The following LRP5 variants were observed in gnomAD, a reference collection of about 807,000 sequenced individuals.
LRP5 encodes LDL receptor related protein 5.
A neutral mutation model predicts 154.1 loss-of-function variants in LRP5; 62 were observed. That is an observed-to-expected ratio of 0.40 (90% CI 0.33 to 0.50). LRP5 has a LOEUF of 0.50. Among genes scored for constraint, LRP5 ranks in the 20% least tolerant of loss-of-function variants. LRP5 has a pLI of 0.55. For synonymous variants in LRP5, 966 were observed against 1,011.5 expected, an observed-to-expected ratio of 0.96 and a Z score of 0.85; for missense variants, 1,915 against 2,336.7, an observed-to-expected ratio of 0.82 and a Z score of 3.72.
intron 5 of LRP5, among the ~76,000 whole-genome samples, chr11:68,371,931 TG>T (rs1170399809): frequency 6.6e-6 from 1 of 152,186 alleles, no homozygotes; most frequent in African/African-American, 2.4e-5. Flanking sequence ...GAGGAGGCCC[TG>T]GGGTCACACA....
chr11:68,336,417 C>T (rs150712821), intron 1 of LRP5, among the ~76,000 whole-genome samples: 9 of 152,270 alleles, frequency 5.9e-5, no homozygotes, highest in African/African-American at 2.2e-4. Flanking sequence ...TTTTGTAGCT[C>T]ATAATAGCCC....
upstream of LRP5, among the ~76,000 whole-genome samples, chr11:68,309,849 C>T (rs2098586722): frequency 6.6e-6 from 1 of 152,186 alleles, no homozygotes; most frequent in Admixed American, 6.5e-5. Context: ...CACCTGCTGG[C>T]CAGGCCCCCA....
rs756245140 is a variant in LRP5, at chr11:68,386,928, G to C, written c.1412+216G>C. On this transcript the variant is annotated intron_variant, in intron 6 of 22. Transcript: ENST00000294304. This position sits in a 1 kb window ranked among gnomAD's most constrained non-coding sequence, Gnocchi z 7.9. ...TTGGGTTTCTAACAAGCACCCCAGT[G>C]GTCCGGTGCTGCTGCTGGGTCCATG... Among the ~76,000 whole-genome samples, 1 of 152,210 alleles carries C rather than the reference G, an allele frequency of 6.6e-6. No individual in the cohort carries two copies. The highest frequency in any genetic ancestry group is 1.5e-5 in the Non-Finnish European group (1 of 68,034).
Position 68,365,386 on chromosome 11 carries a change from C to CA in LRP5, c.884-185_884-184insA, listed in dbSNP as rs1555077737. Among the ~76,000 whole-genome samples, 5 of 152,046 alleles carry CA rather than the reference C, an allele frequency of 3.3e-5. No individual in the cohort carries two copies. The East Asian group carries it at 5.8e-4, about 18-fold the overall frequency. On this transcript the variant is annotated intron_variant, in intron 4 of 22. Transcript: ENST00000294304. ...GGCCAGGCTGAGGGCCCCATGTGGACGGGCCAGCGATGAGGCAGGTGGAAT... is the reference window on the plus strand; with the variant it reads ...GGCCAGGCTGAGGGCCCCATGTGGACAGGGCCAGCGATGAGGCAGGTGGAAT...
At chr11:68,428,906 C>T (rs1397522623) in intron 16 of LRP5, among the ~76,000 whole-genome samples, 1 of 37,440 alleles carries the variant, frequency 2.7e-5, no homozygotes, top group Non-Finnish European at 4.8e-5. Context: ...ATGATGAGAC[C>T]CCATTTCTAC....
At chr11:68,352,234 G>A (rs373717978) in intron 2 of LRP5, among the ~76,000 whole-genome samples, 2 of 152,296 alleles carry the variant, frequency 1.3e-5, no homozygotes, top group East Asian at 3.9e-4. Flanking sequence ...CTGTTCTGAA[G>A]AGAAAAGACA....
chr11:68,400,866 C>T (rs951505579), intron 7 of LRP5, among the ~76,000 whole-genome samples: 5 of 152,162 alleles, frequency 3.3e-5, no homozygotes, highest in African/African-American at 1.2e-4. Flanking sequence ...ACCAGCCTGG[C>T]CAACATGGTG....
In LRP5 at chr11:68,363,756, G is replaced by C. The variant is rs1171333281; in HGVS notation, c.696G>C (p.Val232=). 5.6e-6 allele frequency: 9 copies of C among 1,612,392 alleles called. No individual in the cohort carries two copies. The highest frequency in any genetic ancestry group is 7.6e-6 in the Non-Finnish European group (9 of 1,179,764). The change falls in exon 4 of 23, where the codon GTG becomes GTC. Residue 232 remains valine, a synonymous_variant. Coordinates refer to ENST00000294304, the MANE Select transcript of LRP5 (RefSeq NM_002335.4). ...GCTTCCCTGACTGCAGGCAGAAGGT[G>C]GTGGAGGGCAGCCTGACGCACCCCT... The part of the protein sequence containing the change: ...ANLDGSFRQK[V]VEGSLTHPFA...
At chr11:68,437,219 C>T (rs1174284902) in intron 19 of LRP5, among the ~76,000 whole-genome samples, 2 of 152,230 alleles carry the variant, frequency 1.3e-5, no homozygotes, top group African/African-American at 4.8e-5. Flanking sequence ...GAGTCTGCCT[C>T]AGTGGGCGGG....
intron 1 of LRP5, among the ~76,000 whole-genome samples, chr11:68,338,822 A>G (rs572786650): frequency 6.7e-6 from 1 of 150,246 alleles, no homozygotes; most frequent in African/African-American, 2.4e-5. Context: ...ATTGGGATGA[A>G]GTTCACTTGA....
chr11:68,409,867 A>T (rs200308913), intron 9 of LRP5, 47 bp from the exon 10 acceptor site: 262 of 1,240,578 alleles, frequency 2.1e-4, no homozygotes, highest in African/African-American at 1.6e-3. Flanking sequence ...AAAAAAAAAG[A>T]TGCTGGTTCC....
At chr11:68,367,372 T>C (rs1375547349) in intron 5 of LRP5, among the ~76,000 whole-genome samples, 1 of 152,210 alleles carries the variant, frequency 6.6e-6, no homozygotes, top group Non-Finnish European at 1.5e-5. Context: ...AGGTGGGGTC[T>C]GGCTCCCAGA....
chr11:68,392,894 A>G (rs1329179609), intron 7 of LRP5, among the ~76,000 whole-genome samples: 1 of 151,998 alleles, frequency 6.6e-6, no homozygotes, highest in East Asian at 1.9e-4. Context: ...TGGGAGGCCA[A>G]GGCGGGACGA....
chr11:68,363,266 A>G (rs2098629034), intron 3 of LRP5, among the ~76,000 whole-genome samples: 1 of 152,154 alleles, frequency 6.6e-6, no homozygotes, highest in African/African-American at 2.4e-5. Context: ...TGTCACCATC[A>G]CAGGCTGTGT....
intron 9 of LRP5, among the ~76,000 whole-genome samples, chr11:68,408,765 C>T (rs2098657171): frequency 6.6e-6 from 1 of 152,052 alleles, no homozygotes; most frequent in Non-Finnish European, 1.5e-5. Context: ...GTGCTGGTTA[C>T]AGCCGGGCAC....
At chr11:68,322,198 C>T (rs1406713983) in intron 1 of LRP5, among the ~76,000 whole-genome samples, 1 of 152,008 alleles carries the variant, frequency 6.6e-6, no homozygotes, top group East Asian at 1.9e-4. Flanking sequence ...CATGCCTATT[C>T]CTCCTGAGCA....
intron 7 of LRP5, among the ~76,000 whole-genome samples, chr11:68,398,187 C>T (rs1291936228): frequency 2.0e-5 from 3 of 152,112 alleles, no homozygotes; most frequent in African/African-American, 7.2e-5. Context: ...TGTCTGTTTG[C>T]ACAGCCGAGT....
intron 1 of LRP5, among the ~76,000 whole-genome samples, chr11:68,319,695 C>T (rs538234578): frequency 1.8e-4 from 27 of 152,256 alleles, no homozygotes; most frequent in African/African-American, 6.5e-4. Context: ...TGTTAAAAGC[C>T]AAGTGCCATT....
chr11:68,385,323 T>TG (rs1565363420), intron 5 of LRP5, among the ~76,000 whole-genome samples: 1 of 152,070 alleles, frequency 6.6e-6, no homozygotes, highest in East Asian at 1.9e-4. Context: ...GGCTTGGCCC[T>TG]GGGGGGCAGC....
Sources: allele counts gnomAD v4.1 joint callset (sites outside exome capture counted in the v4.1 genomes callset), GRCh38; gene constraint gnomAD v4.1.1; non-coding constraint Gnocchi (gnomAD v3.1); transcripts MANE v1.5; gene names NCBI Gene and HGNC (gene_info 2026-07-23, HGNC 2026-07-21).